Variants in SMG1 observed in about 807,000 individuals in gnomAD.
The protein encoded by SMG1 is serine/threonine-protein kinase SMG1.
SMG1 carries 22 observed loss-of-function variants against 419.9 expected under a neutral mutation model. The ratio of observed to expected loss-of-function variants is 0.05; its 90% CI spans 0.04 to 0.07. SMG1 has a LOEUF of 0.07. Among genes scored for constraint, SMG1 ranks in the 10% least tolerant of loss-of-function variants. SMG1 has a pLI of 1.00. For synonymous variants in SMG1, 1,538 were observed against 1,553.5 expected (o/e 0.99, Z 0.23); for missense variants, 3,185 against 4,342.0 (o/e 0.73, Z 7.49).
intron 1 of SMG1, among the ~76,000 whole-genome samples, chr16:18,911,015 A>G: frequency 6.6e-6 from 1 of 152,146 alleles, no homozygotes; most frequent in Non-Finnish European, 1.5e-5. Flanking sequence ...TTCCATTTAC[A>G]TTGTACTTGC....
rs747137422 is a variant in SMG1, at chr16:18,852,181, C to A, written c.4938G>T (p.Leu1646=). ...TCTGAACTTCAGATTTTTCTCTAGG[C>A]AGCAGACGAACACCTTCTCCCTGAC... ...NASQGEGVRL[L]PREKSEVQNL... The change falls in exon 33 of 63, where the codon CTG becomes CTT. Residue 1646 remains leucine (L), a synonymous_variant. Transcript: ENST00000446231. 1 of 1,613,710 alleles carries A rather than the reference C, an allele frequency of 6.2e-7. No individual in the cohort carries two copies. The highest frequency in any genetic ancestry group is 8.5e-7 in the Non-Finnish European group (1 of 1,179,792).
At chr16:18,918,699 CCA>C (rs35408045) in intron 1 of SMG1, among the ~76,000 whole-genome samples, 46,765 of 152,056 alleles carry the variant, frequency 0.31, 7,913 homozygotes, top group Non-Finnish European at 0.38. Flanking sequence ...CAGGCACCCA[CCA>C]CTGCATCCAG....
intron 5 of SMG1, among the ~76,000 whole-genome samples, chr16:18,890,070 T>C (rs1023646383): frequency 4.6e-5 from 7 of 152,204 alleles, no homozygotes; most frequent in Admixed American, 1.3e-4. Context: ...CCAGCTGAGA[T>C]AAATTTTGGG....
rs1252016475 is a variant in SMG1, at chr16:18,809,330, T to C, written c.*239A>G. On this transcript the variant is annotated 3_prime_UTR_variant, in exon 63 of 63. Transcript: ENST00000446231. ...AAAGACAATCTCCGTGTTCAGGCGG[T>C]GAGCTTGCTTTCCTTCACCCTTGAC... The C allele has an allele frequency of 2.0e-6, 1 of 510,882 alleles. No homozygotes were observed. The highest frequency in any genetic ancestry group is 3.3e-5 in the Admixed American group (1 of 30,600). The allele number at this position is 510,882 out of a possible 1,614,324, so 31.6% of individuals were successfully genotyped here.
rs2141715244 is a variant in SMG1 at position 18,882,184 on chromosome 16, G to A, written c.1274C>T (p.Thr425Ile). The stretch of plus-strand genomic sequence containing the variant: ...ACTTACATCTGTTACATATGCCTCA[G>A]TAATTGGAGGACCCCGAATTGGGCT... ...RFSPIRGPPITEAYVTDVLYR... is the reference protein window; with the variant it reads ...RFSPIRGPPIIEAYVTDVLYR... The change falls in exon 10 of 63, where the codon ACT (threonine) becomes ATT (isoleucine). Residue 425 changes from threonine (T) to isoleucine (I), a missense_variant. Physicochemically the swap from Thr to Ile is moderately conservative, Grantham distance 89. Around this residue, in one of 27 missense-constraint regions of SMG1, gnomAD observed 52 missense variants for 69.0 expected, o/e 0.75. Transcript: ENST00000446231. The A allele has an allele frequency of 3.8e-6, 6 of 1,582,026 alleles. No homozygotes were observed. In the East Asian group the frequency reaches 1.1e-4, roughly 30 times the overall value.
intron 1 of SMG1, chr16:18,924,937 G>T (rs1426463704): frequency 6.6e-6 from 1 of 150,748 alleles, no homozygotes; most frequent in East Asian, 1.9e-4. Flanking sequence ...CAACTTGCGC[G>T]TTCTACATTA....
intron 43 of SMG1, 38 bp downstream of exon 43, chr16:18,838,513 T>C (rs1373213407): frequency 6.2e-7 from 1 of 1,613,884 alleles, no homozygotes; most frequent in African/African-American, 1.3e-5. Context: ...CCAAAAAACA[T>C]TTGGCCCTCA....
chr16:18,884,915 T>A, intron 8 of SMG1, 175 bp downstream of exon 8: 1 of 601,340 alleles, frequency 1.7e-6, no homozygotes, highest in South Asian at 2.0e-5. Flanking sequence ...CACCTACTAG[T>A]AATTTCCTCT....
chr16:18,907,779 G>A (rs1309331180), intron 1 of SMG1, among the ~76,000 whole-genome samples: 1 of 147,490 alleles, frequency 6.8e-6, no homozygotes, highest in Non-Finnish European at 1.5e-5. Flanking sequence ...TTGAACCCGG[G>A]AGGCAGAGGT....
rs774064114 is a variant in SMG1 at position 18,842,392 on chromosome 16, T to C, written c.6282A>G (p.Glu2094=). Reference sequence around the variant, plus strand: ...TCATGGCAGCCAACCATGGACTGATTTCTTCAAGACGCAAGATGTAACTTG... The same window carrying C: ...TCATGGCAGCCAACCATGGACTGATCTCTTCAAGACGCAAGATGTAACTTG... ...KRASYILRLE[E]ISPWLAAMTN... The change falls in exon 40 of 63, where the codon GAA becomes GAG. Residue 2094 remains glutamate, a synonymous_variant. Coordinates refer to ENST00000446231, the MANE Select transcript of SMG1 (RefSeq NM_015092.5). 2 of 1,613,894 alleles carry C rather than the reference T, an allele frequency of 1.2e-6. No homozygotes were observed. The highest frequency in any genetic ancestry group is 3.3e-5 in the Admixed American group (2 of 60,008).
chr16:18,872,038 A>T (rs2035851574), intron 15 of SMG1, 146 bp downstream of exon 15: 1 of 443,766 alleles, frequency 2.3e-6, no homozygotes, highest in Non-Finnish European at 4.1e-6. Flanking sequence ...CCAAATTATA[A>T]GGTGTTTGAC....
intron 54 of SMG1, 144 bp downstream of exon 54, chr16:18,829,142 C>G: frequency 1.5e-6 from 1 of 645,344 alleles, no homozygotes; most frequent in Non-Finnish European, 2.6e-6. Flanking sequence ...AAGAAAGTGC[C>G]AAAATGCTAT....
chr16:18,901,555 T>C (rs866401227), intron 1 of SMG1, among the ~76,000 whole-genome samples: 1 of 152,212 alleles, frequency 6.6e-6, no homozygotes, highest in East Asian at 1.9e-4. Flanking sequence ...ACAGCCAATA[T>C]AGACTGATAA....
intron 55 of SMG1, among the ~76,000 whole-genome samples, chr16:18,827,669 A>C (rs1254380801): frequency 7.0e-6 from 1 of 142,656 alleles, no homozygotes; most frequent in Non-Finnish European, 1.5e-5. Context: ...ATATATTTTT[A>C]TATATATTTG....
chr16:18,883,388 T>G (rs918663538), intron 9 of SMG1, among the ~76,000 whole-genome samples: 3 of 152,248 alleles, frequency 2.0e-5, no homozygotes, highest in Non-Finnish European at 2.9e-5. Flanking sequence ...CCTGTACATA[T>G]GTAAGAGGAA....
chr16:18,835,034 G>C lies in SMG1; in HGVS notation c.8188C>G (p.Gln2730Glu), dbSNP rs34960798. ...RLIRQVERLK[Q>E]EAVTVPVCED... ...CAAACTGGCACAGTGACAGCTTCCTGTTTCAAGCGTTCCACTTGTCTAATA... is the reference window on the plus strand; with the variant it reads ...CAAACTGGCACAGTGACAGCTTCCTCTTTCAAGCGTTCCACTTGTCTAATA... The change falls in exon 49 of 63, where the codon CAG (glutamine) becomes GAG (glutamate). Residue 2730 changes from glutamine (Q) to glutamate (E), a missense_variant. Gln to Glu is a conservative substitution (Grantham distance 29). Coordinates refer to ENST00000446231, the MANE Select transcript of SMG1 (RefSeq NM_015092.5). The C allele has an allele frequency of 1.3e-5, 21 of 1,613,896 alleles. No individual in the cohort carries two copies. In the East Asian group the frequency reaches 3.6e-4, roughly 27 times the overall value.
intron 13 of SMG1, chr16:18,875,780 C>G: frequency 2.9e-6 from 1 of 339,916 alleles, no homozygotes; most frequent in South Asian, 5.3e-5. Flanking sequence ...AAGAAAGAGA[C>G]CGCATTTTAA....
At chr16:18,891,184 T>C (rs1350939398) in intron 4 of SMG1, among the ~76,000 whole-genome samples, 1 of 152,190 alleles carries the variant, frequency 6.6e-6, no homozygotes, top group Non-Finnish European at 1.5e-5. Context: ...TACTTTGAAA[T>C]CCATTTGAAA....
In SMG1 at chr16:18,808,378, C is replaced by T. The variant is rs963915146; in HGVS notation, c.*1191G>A. 1 of 152,002 alleles carries T rather than the reference C, an allele frequency of 6.6e-6. No homozygotes were observed. Among genetic ancestry groups the T allele is most frequent in the Non-Finnish European group, 1.5e-5 (1 of 68,024 alleles). 9.4% of individuals were successfully genotyped at this position (152,002 alleles called of 1,614,324 possible). On this transcript the variant is annotated 3_prime_UTR_variant, in exon 63 of 63. Transcript: ENST00000446231. ...AGTAAATTAAACAACTTTTAATTTA[C>T]TAAGTGTAAATTAAAAGTATCAAAT...
Sources: allele counts gnomAD v4.1 joint callset (sites outside exome capture counted in the v4.1 genomes callset), GRCh38; gene constraint gnomAD v4.1.1; regional missense constraint gnomAD v4.1.1; transcripts MANE v1.5; gene names NCBI Gene and HGNC (gene_info 2026-07-23, HGNC 2026-07-21).